The following ETV5 variants were observed in gnomAD, a reference collection of about 807,000 sequenced individuals.
ETV5 encodes ETS translocation variant 5.
A neutral mutation model predicts 70.0 loss-of-function variants in ETV5; 10 were observed. That is an observed-to-expected ratio of 0.14 (90% CI 0.09 to 0.24). The LOEUF is 0.24. Among genes scored for constraint, ETV5 ranks in the 10% least tolerant of loss-of-function variants. The pLI, the probability that ETV5 is intolerant of heterozygous loss-of-function variation, is 1.00. For missense variants in ETV5, 453 were observed against 651.2 expected, an observed-to-expected ratio of 0.70 and a Z score of 3.31; for synonymous variants, 216 against 242.2, an observed-to-expected ratio of 0.89 and a Z score of 1.01.
At chr3:186,068,984 C>T (rs974109785) in intron 7 of ETV5, among the ~76,000 whole-genome samples, 10 of 152,174 alleles carry the variant, frequency 6.6e-5, no homozygotes, top group African/African-American at 2.2e-4. Flanking sequence ...TCTATTAATT[C>T]AAAGAATTCT....
intron 7 of ETV5, among the ~76,000 whole-genome samples, chr3:186,067,350 T>C (rs1713474733): frequency 6.6e-6 from 1 of 152,252 alleles, no homozygotes. Context: ...AAGAATCGCT[T>C]GAACCTGGGA....
chr3:186,058,587 C>T (rs1713224158), intron 9 of ETV5, among the ~76,000 whole-genome samples: 1 of 152,120 alleles, frequency 6.6e-6, no homozygotes, highest in African/African-American at 2.4e-5. Flanking sequence ...TTCACTGCGA[C>T]TTAAAAAATC....
intron 5 of ETV5, among the ~76,000 whole-genome samples, chr3:186,096,379 G>A (rs1414104195): frequency 6.6e-6 from 1 of 152,146 alleles, no homozygotes; most frequent in Non-Finnish European, 1.5e-5. Context: ...AAGTATAAAA[G>A]ACCCTCATTA....
chr3:186,081,987 CA>C (rs756686240), intron 5 of ETV5, among the ~76,000 whole-genome samples: 13 of 152,212 alleles, frequency 8.5e-5, no homozygotes, highest in Non-Finnish European at 1.5e-4. Flanking sequence ...CTACATATAC[CA>C]CATAGGATTC....
At chr3:186,102,169 GA>G (rs983449827) in intron 5 of ETV5, among the ~76,000 whole-genome samples, 22 of 140,598 alleles carry the variant, frequency 1.6e-4, no homozygotes, top group East Asian at 2.1e-4. Flanking sequence ...AGTGTTTAGA[GA>G]AAAAAAAAAG....
chr3:186,046,687 A>T lies in ETV5; in HGVS notation c.*1952T>A, dbSNP rs1712886938. Reference sequence around the variant, plus strand: ...ATCCATTCAAAAGAAAAAAAAAAAAAATCCAAACCAGGGTAAGTAAAGAAA... The same window carrying T: ...ATCCATTCAAAAGAAAAAAAAAAAATATCCAAACCAGGGTAAGTAAAGAAA... On this transcript the variant is annotated 3_prime_UTR_variant, in exon 13 of 13. Coordinates refer to ENST00000306376, the MANE Select transcript of ETV5 (RefSeq NM_004454.3). 4.3e-6 allele frequency: 1 copy of T among 232,304 alleles called. No individual in the cohort carries two copies. The highest frequency in any genetic ancestry group is 2.2e-5 in the African/African-American group (1 of 45,208). The allele number at this position is 232,304 out of a possible 1,614,324, so 14.4% of individuals were successfully genotyped here.
intron 9 of ETV5, among the ~76,000 whole-genome samples, chr3:186,061,424 T>G (rs974673121): frequency 1.3e-5 from 2 of 152,210 alleles, no homozygotes; most frequent in Non-Finnish European, 2.9e-5. Context: ...CTGCAGGACT[T>G]GTTAAAACAC....
chr3:186,084,398 C>T (rs932768703), intron 5 of ETV5: 4 of 328,058 alleles, frequency 1.2e-5, no homozygotes, highest in African/African-American at 8.8e-5. Context: ...GTCAGTGGTG[C>T]CCTGAAAATA....
Position 186,105,898 on chromosome 3 carries a change from G to A in ETV5, c.-30C>T. 6.2e-7 allele frequency: 1 copy of A among 1,612,216 alleles called. No individual in the cohort carries two copies. The highest frequency in any genetic ancestry group is 2.2e-5 in the East Asian group (1 of 44,868). On this transcript the variant is annotated 5_prime_UTR_variant, in exon 2 of 13. Transcript: ENST00000306376. The surrounding 1 kb of genome is among the most constrained non-coding windows in gnomAD (Gnocchi z 4.5). ...CTTTCAGCGTCTCTAATACCACTTT[G>A]AGAGGTTTCAGCATTGAGTAATTTC...
Position 186,105,700 on chromosome 3 carries a change from C to T in ETV5, c.58G>A (p.Glu20Lys). 6.2e-7 allele frequency: 1 copy of T among 1,614,178 alleles called. No homozygotes were observed. The highest frequency in any genetic ancestry group is 8.5e-7 in the Non-Finnish European group (1 of 1,180,042). ...PFMVPGKSRS[E>K]ECRGRPVIDR... The stretch of plus-strand genomic sequence containing the variant: ...ATCACAGGCCGCCCTCTGCATTCCT[C>T]AGATCGAGATTTCTGAAAGAGGCCA... Residue 20 changes from glutamate (E) to lysine (K), a missense_variant, in exon 3 of 13, where the codon GAG (glutamate) becomes AAG (lysine). Glu to Lys is a moderately conservative substitution (Grantham distance 56). Transcript: ENST00000306376. This position sits in a 1 kb window ranked among gnomAD's most constrained non-coding sequence, Gnocchi z 4.5.
chr3:186,047,948 AG>A lies in ETV5; in HGVS notation c.*690del, dbSNP rs1338851343. ...TTAATCGCCCTTCTCCTAAAATAAA[AG>A]TCATCCACACTCAGCCACGTGATTG... On this transcript the variant is annotated 3_prime_UTR_variant, in exon 13 of 13. Coordinates refer to ENST00000306376, the MANE Select transcript of ETV5 (RefSeq NM_004454.3). 1 of 233,330 alleles carries A rather than the reference AG, an allele frequency of 4.3e-6. No individual in the cohort carries two copies. The highest frequency in any genetic ancestry group is 1.8e-4 in the South Asian group (1 of 5,530). The allele number at this position is 233,330 out of a possible 1,614,324, so 14.5% of individuals were successfully genotyped here. A position where few individuals can be genotyped will look rare whatever the true frequency, so the allele number is the denominator to read the frequency against.
intron 7 of ETV5, chr3:186,076,712 A>C (rs1381552490): frequency 1.1e-5 from 2 of 187,744 alleles, no homozygotes; most frequent in Middle Eastern, 1.9e-3. Flanking sequence ...ATGTGGCCTA[A>C]AGAAAGGAGT....
At position 186,052,251 on chromosome 3, in the gene ETV5, G is replaced by T; in HGVS notation, c.1210-120C>A. 1 of 838,234 alleles carries T rather than the reference G, an allele frequency of 1.2e-6. No individual in the cohort carries two copies. The highest frequency in any genetic ancestry group is 1.5e-5 in the South Asian group (1 of 66,362). 51.9% of individuals were successfully genotyped at this position (838,234 alleles called of 1,614,324 possible). On this transcript the variant is annotated intron_variant, in intron 11 of 12. Transcript: ENST00000306376. This position sits in a 1 kb window ranked among gnomAD's most constrained non-coding sequence, Gnocchi z 4.5. ...GCTTTGGTCAATGATCTGCTACTCT[G>T]ACCTGGAAGGGAAGGCATTTAACTC...
At chr3:186,064,351 C>CGAGA in intron 9 of ETV5, 66 bp downstream of exon 9, 3 of 1,469,544 alleles carry the variant, frequency 2.0e-6, no homozygotes, top group Non-Finnish European at 2.9e-6. Context: ...AAAGAAAAGC[C>CGAGA]GAGAGAAAGA....
rs1302264839 is a variant in ETV5 at position 186,057,483 on chromosome 3, A to G, written c.979T>C (p.Tyr327His). ...YFSSSHEGFSYEKDPRLYFDD... is the reference protein window; with the variant it reads ...YFSSSHEGFSHEKDPRLYFDD... The stretch of plus-strand genomic sequence containing the variant: ...AAGTATAATCGGGGATCTTTTTCAT[A>G]TGAAAAACCTGAAAGAGAATTTAAA... Residue 327 changes from tyrosine to histidine, a missense_variant, in exon 10 of 13, where the codon TAT becomes CAT. By Grantham distance (83) the Tyr-to-His change is moderately conservative. This residue lies in a region of ETV5 where 307 missense variants were observed against 344.9 expected (regional missense o/e 0.89). Transcript: ENST00000306376. This position sits in a 1 kb window ranked among gnomAD's most constrained non-coding sequence, Gnocchi z 4.9. The G allele has an allele frequency of 6.2e-7, 1 of 1,613,880 alleles. No individual in the cohort carries two copies. Among genetic ancestry groups the G allele is most frequent in the Non-Finnish European group, 8.5e-7 (1 of 1,179,752 alleles).
At chr3:186,093,009 G>A (rs1202790063) in intron 5 of ETV5, among the ~76,000 whole-genome samples, 1 of 152,202 alleles carries the variant, frequency 6.6e-6, no homozygotes, top group Non-Finnish European at 1.5e-5. Flanking sequence ...GGAGAGTCAA[G>A]TGTTTGTATA....
intron 5 of ETV5, among the ~76,000 whole-genome samples, chr3:186,099,046 T>C (rs544146919): frequency 2.0e-4 from 31 of 152,320 alleles, no homozygotes; most frequent in African/African-American, 7.5e-4. Context: ...TTCCCCTAGA[T>C]GCTTCTTTCT....
At chr3:186,108,578 C>G in intron 1 of ETV5, 1 of 1,252,020 alleles carries the variant, frequency 8.0e-7, no homozygotes, top group Non-Finnish European at 1.0e-6. Context: ...TCTCGCGAGC[C>G]TCCAAGTCCC....
At chr3:186,066,397 T>C (rs76742690) in intron 7 of ETV5, among the ~76,000 whole-genome samples, 1,916 of 151,944 alleles carry the variant, frequency 0.013, 24 homozygotes, top group East Asian at 0.064. Context: ...TATCTGCAAA[T>C]AGCACTAACA....
Sources: gnomAD v4.1 joint callset for allele counts (sites outside exome capture counted in the v4.1 genomes callset) on GRCh38, gnomAD v4.1.1 for gene constraint, gnomAD v4.1.1 regional missense constraint, Gnocchi (gnomAD v3.1) non-coding constraint, MANE v1.5 for transcripts, NCBI Gene and HGNC (gene_info 2026-07-23, HGNC 2026-07-21) for gene names.